The following CNTN3 variants were observed in gnomAD, a reference collection of about 807,000 sequenced individuals.
CNTN3 encodes the protein contactin-3.
CNTN3 carries 60 observed loss-of-function variants against 119.1 expected under a neutral mutation model. The observed-to-expected ratio is 0.50, with a 90% CI of 0.41 to 0.62. The LOEUF is 0.62. Among genes scored for constraint, CNTN3 ranks in the 20% least tolerant of loss-of-function variants. The pLI is 0.00. For synonymous variants in CNTN3, 450 were observed against 438.7 expected, an observed-to-expected ratio of 1.03 and a Z score of -0.32; for missense variants, 1,101 against 1,242.4, an observed-to-expected ratio of 0.89 and a Z score of 1.71.
At chr3:74,450,688 G>A (rs1408561728) in intron 4 of CNTN3, among the ~76,000 whole-genome samples, 5 of 110,008 alleles carry the variant, frequency 4.5e-5, no homozygotes, top group Admixed American at 1.4e-4. Context: ...ACACTCCCCA[G>A]AGTGTGATGT....
intron 1 of CNTN3, among the ~76,000 whole-genome samples, chr3:74,561,684 G>T (rs1704156338): frequency 6.6e-6 from 1 of 152,082 alleles, no homozygotes; most frequent in African/African-American, 2.4e-5. Flanking sequence ...TTGGATTTAT[G>T]ATGTTCATTT....
intron 5 of CNTN3, among the ~76,000 whole-genome samples, chr3:74,392,203 A>T (rs1704929341): frequency 6.6e-6 from 1 of 152,238 alleles, no homozygotes. Context: ...ATTCAAGGAC[A>T]TTAATTAAAG....
intron 20 of CNTN3, among the ~76,000 whole-genome samples, chr3:74,274,705 G>T (rs1701847062): frequency 6.6e-6 from 1 of 151,678 alleles, no homozygotes; most frequent in Non-Finnish European, 1.5e-5. Flanking sequence ...AAATGAGGAG[G>T]AATCAGAAAA....
rs1269372568 is a variant in CNTN3, at chr3:74,599,384, T to G, written c.-81+15007A>C. 4.6e-5 allele frequency among the ~76,000 whole-genome samples: 7 copies of G among 151,968 alleles called. No individual in the cohort carries two copies. The East Asian group carries it at 1.4e-3, about 30-fold the overall frequency. ...TTTAATCTGAAACTTGGTAGATGAG[T>G]AAGAATGACCCAGGTCAGCACTCTC... On this transcript the variant is annotated intron_variant, in intron 1 of 22. Transcript: ENST00000263665.
intron 5 of CNTN3, among the ~76,000 whole-genome samples, chr3:74,391,556 T>TC (rs1704901580): frequency 8.9e-6 from 1 of 112,090 alleles, no homozygotes; most frequent in Non-Finnish European, 1.7e-5. Flanking sequence ...TCCCATAGTT[T>TC]CTTTTTTTTT....
chr3:74,564,690 T>C (rs943266595), intron 1 of CNTN3, among the ~76,000 whole-genome samples: 1 of 151,920 alleles, frequency 6.6e-6, no homozygotes, highest in Non-Finnish European at 1.5e-5. Context: ...GGTCCTGATA[T>C]TCATGATACA....
At chr3:74,295,266 G>T in intron 18 of CNTN3, 30 bp from the exon 19 acceptor site, 2 of 1,271,686 alleles carry the variant, frequency 1.6e-6, no homozygotes, top group Non-Finnish European at 2.3e-6. Flanking sequence ...GAAATATGAT[G>T]ATAATTTTGG....
intron 1 of CNTN3, among the ~76,000 whole-genome samples, chr3:74,552,891 A>G (rs1054702167): frequency 6.6e-6 from 1 of 152,156 alleles, no homozygotes; most frequent in Non-Finnish European, 1.5e-5. Context: ...AAGTTTCCTG[A>G]GTCCCCCCAG....
chr3:74,480,348 C>T (rs1274857321), intron 4 of CNTN3, among the ~76,000 whole-genome samples: 2 of 151,984 alleles, frequency 1.3e-5, no homozygotes, highest in Non-Finnish European at 2.9e-5. Context: ...TTTATCTTTA[C>T]GTATTTTGTA....
intron 1 of CNTN3, among the ~76,000 whole-genome samples, chr3:74,555,184 T>C (rs2107166542): frequency 6.6e-6 from 1 of 152,358 alleles, no homozygotes; most frequent in South Asian, 2.1e-4. Flanking sequence ...GTGGTTTTTG[T>C]CATTGGTTAT....
At chr3:74,603,141 A>T (rs1027095546) in intron 1 of CNTN3, among the ~76,000 whole-genome samples, 1 of 152,156 alleles carries the variant, frequency 6.6e-6, no homozygotes, top group Non-Finnish European at 1.5e-5. Flanking sequence ...TATAAATTAC[A>T]TGCACAGAGT....
chr3:74,612,489 G>C lies in CNTN3; in HGVS notation c.-81+1902C>G, dbSNP rs116788734. On this transcript the variant is annotated intron_variant, in intron 1 of 22. Coordinates refer to ENST00000263665, the MANE Select transcript of CNTN3 (RefSeq NM_020872.3). The stretch of plus-strand genomic sequence containing the variant: ...ATGAACTTAACATCTTCATGTCTTC[G>C]GGCTGACATTAATGACATCCAGACA... Among the ~76,000 whole-genome samples the C allele has an allele frequency of 5.1e-3, 779 of 152,156 alleles. 2 individuals carry two copies. The highest frequency in any genetic ancestry group is 0.014 in the Middle Eastern group (4 of 294).
chr3:74,550,562 C>T (rs1703975584), intron 1 of CNTN3, among the ~76,000 whole-genome samples: 1 of 152,090 alleles, frequency 6.6e-6, no homozygotes, highest in African/African-American at 2.4e-5. Flanking sequence ...TTATTTGAGA[C>T]AGCTCTTTCT....
At chr3:74,326,994 G>T (rs1703147694) in intron 13 of CNTN3, among the ~76,000 whole-genome samples, 1 of 151,002 alleles carries the variant, frequency 6.6e-6, no homozygotes, top group South Asian at 2.1e-4. Context: ...TATTTTTATT[G>T]AATGTCATCT....
rs116262311 is a variant in CNTN3, at chr3:74,515,969, C to T, written c.55+5089G>A. ...TGCACACACACATCTATCTCCCAAT[C>T]GCTGATAAGTATCAACAGTCTCTCT... On this transcript the variant is annotated intron_variant, in intron 2 of 22. Coordinates refer to ENST00000263665, the MANE Select transcript of CNTN3 (RefSeq NM_020872.3). 4.4e-3 allele frequency among the ~76,000 whole-genome samples: 669 copies of T among 152,056 alleles called. 5 individuals are homozygous for T. Among genetic ancestry groups the T allele is most frequent in the African/African-American group, 0.015 (635 of 41,494 alleles).
chr3:74,543,365 A>C (rs1703868735), intron 1 of CNTN3, among the ~76,000 whole-genome samples: 1 of 152,164 alleles, frequency 6.6e-6, no homozygotes, highest in Non-Finnish European at 1.5e-5. Context: ...TGACCTGGTC[A>C]AGATAGGGTT....
chr3:74,388,332 A>C (rs1704809164), intron 5 of CNTN3, among the ~76,000 whole-genome samples: 1 of 152,226 alleles, frequency 6.6e-6, no homozygotes, highest in East Asian at 1.9e-4. Context: ...CAGAATATTA[A>C]TTATGTAATT....
chr3:74,427,583 G>T (rs9883517), intron 4 of CNTN3, among the ~76,000 whole-genome samples: 40 of 152,086 alleles, frequency 2.6e-4, no homozygotes, highest in African/African-American at 9.6e-4. Flanking sequence ...GTCCAATTTT[G>T]GACTTTAAAA....
intron 20 of CNTN3, among the ~76,000 whole-genome samples, chr3:74,276,825 A>T (rs951769966): frequency 4.6e-5 from 7 of 152,154 alleles, no homozygotes; most frequent in South Asian, 2.1e-4. Context: ...AAAAATACAA[A>T]AGATTAATGA....
Sources: allele counts gnomAD v4.1 joint callset (sites outside exome capture counted in the v4.1 genomes callset), GRCh38; gene constraint gnomAD v4.1.1; transcripts MANE v1.5; gene names NCBI Gene and HGNC (gene_info 2026-07-23, HGNC 2026-07-21).